HACD3: variants seen among roughly 807,000 people sequenced by gnomAD.
HACD3 encodes 3-hydroxyacyl-CoA dehydratase 3, also known as very-long-chain (3R)-3-hydroxyacyl-CoA dehydratase 3.
Under a neutral mutation model 55.2 loss-of-function variants are expected in HACD3, and 30 were observed. That is an observed-to-expected ratio of 0.54 (90% CI 0.41 to 0.74). The LOEUF (loss-of-function observed/expected upper bound fraction) is 0.74. Among genes scored for constraint, HACD3 ranks in the 30% least tolerant of loss-of-function variants. The pLI is 0.00. For synonymous variants in HACD3, 141 were observed against 151.7 expected (o/e 0.93, Z 0.52); for missense variants, 363 against 440.1 (o/e 0.82, Z 1.57).
At position 65,554,959 on chromosome 15, in the gene HACD3, A is replaced by C; in HGVS notation, c.203A>C (p.Glu68Ala). The C allele has an allele frequency of 1.2e-6, 2 of 1,600,710 alleles. No homozygotes were observed. Among genetic ancestry groups the C allele is most frequent in the East Asian group, 2.2e-5 (1 of 44,778 alleles). Residue 68 changes from glutamate (E) to alanine (A), a missense_variant and splice_region_variant, in exon 3 of 11, where the codon GAG becomes GCG. Physicochemically the swap from Glu to Ala is moderately radical, Grantham distance 107. Coordinates refer to ENST00000261875, the MANE Select transcript of HACD3 (RefSeq NM_016395.4). ...GAGTTCTTAGACCTTGTGAAACCAG[A>C]GGTATGTTCTTTCCTTTCTCACTTC... ...HLEFLDLVKP[E>A]PVYKLTQRQV...
At chr15:65,549,866 CA>C (rs1367494550) in intron 1 of HACD3, among the ~76,000 whole-genome samples, 1 of 152,072 alleles carries the variant, frequency 6.6e-6, no homozygotes, top group East Asian at 1.9e-4. Flanking sequence ...TTAGGAGAAC[CA>C]AAACTCTAAA....
intron 10 of HACD3, 120 bp from the exon 11 acceptor site, chr15:65,576,183 G>A (rs1006662212): frequency 2.0e-5 from 28 of 1,417,674 alleles, no homozygotes; most frequent in South Asian, 2.7e-5. Context: ...TTCCTGAGCC[G>A]CTGCAATAAG....
intron 2 of HACD3, among the ~76,000 whole-genome samples, chr15:65,552,813 G>T (rs1023165725): frequency 6.6e-6 from 1 of 151,552 alleles, no homozygotes; most frequent in African/African-American, 2.4e-5. Context: ...TCTAGCATTA[G>T]GTATATCTCC....
chr15:65,545,269 A>C (rs564294877), intron 1 of HACD3, among the ~76,000 whole-genome samples: 1 of 152,340 alleles, frequency 6.6e-6, no homozygotes, highest in South Asian at 2.1e-4. Flanking sequence ...TGCCATAAGT[A>C]ACCATATCAC....
intron 1 of HACD3, chr15:65,535,832 C>G: frequency 3.3e-6 from 2 of 609,478 alleles, no homozygotes; most frequent in South Asian, 3.7e-5. Context: ...AGTAGGACTA[C>G]AGGTACCTGC....
At position 65,558,669 on chromosome 15, in the gene HACD3, C is replaced by T. The variant is rs1230203376; in HGVS notation, c.370-11C>T. On this transcript the variant is annotated splice_polypyrimidine_tract_variant and intron_variant, in intron 4 of 10. Transcript: ENST00000261875. ...ACTTGTGTTCTTGGAAAACTTTTGTCTAAATTCTAGGAAGAAGAGCGCCTA... is the reference window on the plus strand; with the variant it reads ...ACTTGTGTTCTTGGAAAACTTTTGTTTAAATTCTAGGAAGAAGAGCGCCTA... The T allele has an allele frequency of 6.3e-7, 1 of 1,588,448 alleles. No homozygotes were observed. Among genetic ancestry groups the T allele is most frequent in the Non-Finnish European group, 8.6e-7 (1 of 1,166,896 alleles).
chr15:65,572,923 A>AT (rs1403067038), intron 10 of HACD3, among the ~76,000 whole-genome samples: 68 of 145,878 alleles, frequency 4.7e-4, no homozygotes, highest in South Asian at 1.3e-3. Context: ...TCAAAAAAAA[A>AT]AAAAAAATAA....
chr15:65,550,214 C>T (rs2072118832), intron 1 of HACD3, among the ~76,000 whole-genome samples: 1 of 152,030 alleles, frequency 6.6e-6, no homozygotes, highest in Admixed American at 6.6e-5. Context: ...ATGGTGAAAC[C>T]TCGTCTCTGC....
At chr15:65,573,699 A>C (rs909207535) in intron 10 of HACD3, among the ~76,000 whole-genome samples, 1 of 152,180 alleles carries the variant, frequency 6.6e-6, no homozygotes, top group African/African-American at 2.4e-5. Context: ...ACTATACTCT[A>C]TACATAGATG....
At position 65,530,574 on chromosome 15, in the gene HACD3, T is replaced by C. The variant is rs1461142494; in HGVS notation, c.-58T>C. The C allele has an allele frequency of 6.8e-6, 10 of 1,477,172 alleles. No individual in the cohort carries two copies. The highest frequency in any genetic ancestry group is 2.5e-5 in the East Asian group (1 of 39,294). The allele number at this position is 1,477,172 out of a possible 1,614,324, so 91.5% of individuals were successfully genotyped here. ...CTTTCTGCTCGCGCCAGCAGAGCAC[T>C]ACCTGAGGCAGCGAGGCGCAGCGAG... On this transcript the variant is annotated 5_prime_UTR_variant, in exon 1 of 11. Transcript: ENST00000261875.
At chr15:65,530,750 C>T in intron 1 of HACD3, 32 bp downstream of exon 1, 13 of 1,521,584 alleles carry the variant, frequency 8.5e-6, no homozygotes, top group South Asian at 1.2e-5. Context: ...GGGAAGCGCG[C>T]GGGATCGCGG....
rs528328436 is a variant in HACD3 at position 65,542,099 on chromosome 15, T to C, written c.88-9577T>C. 1.4e-3 allele frequency among the ~76,000 whole-genome samples: 208 copies of C among 151,394 alleles called. 2 individuals carry two copies. Among genetic ancestry groups the C allele is most frequent in the Non-Finnish European group, 1.7e-3 (116 of 67,812 alleles). On this transcript the variant is annotated intron_variant, in intron 1 of 10. Coordinates refer to ENST00000261875, the MANE Select transcript of HACD3 (RefSeq NM_016395.4). Reference sequence around the variant, plus strand: ...CAAAAATTAGCTGGGCGTGGTGGCATGTTCCTGTAGTCCCAGCTACTTGGG... The same window carrying C: ...CAAAAATTAGCTGGGCGTGGTGGCACGTTCCTGTAGTCCCAGCTACTTGGG...
chr15:65,559,779 A>T (rs900377006), intron 5 of HACD3, among the ~76,000 whole-genome samples: 2 of 152,136 alleles, frequency 1.3e-5, no homozygotes, highest in African/African-American at 4.8e-5. Context: ...ATAACAACAT[A>T]AAAAAGCCAC....
intron 1 of HACD3, among the ~76,000 whole-genome samples, chr15:65,532,363 C>T (rs536998701): frequency 1.1e-4 from 17 of 152,250 alleles, no homozygotes; most frequent in African/African-American, 3.9e-4. Context: ...CTGTGGCTCA[C>T]GCCTGTAATG....
chr15:65,530,661 C>T lies in HACD3; in HGVS notation c.30C>T (p.Val10=), dbSNP rs1596200050. Residue 10 remains valine (V), a synonymous_variant, in exon 1 of 11, where the codon GTC becomes GTT. Transcript: ENST00000261875. MENQVLTPH[V]YWAQRHRELY... Reference sequence around the variant, plus strand: ...AGAATCAGGTGTTGACGCCGCATGTCTACTGGGCTCAGCGACACCGCGAGC... The same window carrying T: ...AGAATCAGGTGTTGACGCCGCATGTTTACTGGGCTCAGCGACACCGCGAGC... 1.9e-6 allele frequency: 3 copies of T among 1,582,748 alleles called. No individual in the cohort carries two copies. The highest frequency in any genetic ancestry group is 2.6e-6 in the Non-Finnish European group (3 of 1,165,496).
At position 65,530,530 on chromosome 15, in the gene HACD3, C is replaced by G. The variant is rs952010475; in HGVS notation, c.-102C>G. 37 of 1,077,018 alleles carry G rather than the reference C, an allele frequency of 3.4e-5. No individual in the cohort carries two copies. Among genetic ancestry groups the G allele is most frequent in the Non-Finnish European group, 4.5e-5 (34 of 757,272 alleles). The allele number at this position is 1,077,018 out of a possible 1,614,324, so 66.7% of individuals were successfully genotyped here. A position where few individuals can be genotyped will look rare whatever the true frequency, so the allele number is the denominator to read the frequency against. ...GTGCCGGGTTGCAGGCGCTCAGGAGCGCTAGGGTTTGAGGCCTGCTTTCTG... is the reference window on the plus strand; with the variant it reads ...GTGCCGGGTTGCAGGCGCTCAGGAGGGCTAGGGTTTGAGGCCTGCTTTCTG... On this transcript the variant is annotated 5_prime_UTR_variant, in exon 1 of 11. Coordinates refer to ENST00000261875, the MANE Select transcript of HACD3 (RefSeq NM_016395.4).
intron 1 of HACD3, chr15:65,531,372 TAAA>T (rs1279632650): frequency 6.6e-6 from 1 of 152,200 alleles, no homozygotes; most frequent in Non-Finnish European, 1.5e-5. Context: ...ACAGAGAACT[TAAA>T]AAGTTCTTAA....
At chr15:65,575,515 A>T (rs943486525) in intron 10 of HACD3, among the ~76,000 whole-genome samples, 6 of 152,148 alleles carry the variant, frequency 3.9e-5, no homozygotes, top group Non-Finnish European at 8.8e-5. Flanking sequence ...TGAATTAAAA[A>T]TTAGGTTGTT....
In HACD3 at chr15:65,530,614, G is replaced by A. The variant is rs1321081713; in HGVS notation, c.-18G>A. ...GGCGCAGCGAGCCTAGCCTCCCCGC[G>A]CCCTGGGCAGTGTGGCCATGGAGAA... On this transcript the variant is annotated 5_prime_UTR_variant, in exon 1 of 11. Coordinates refer to ENST00000261875, the MANE Select transcript of HACD3 (RefSeq NM_016395.4). 3.2e-6 allele frequency: 5 copies of A among 1,562,200 alleles called. No homozygotes were observed. Among genetic ancestry groups the A allele is most frequent in the South Asian group, 1.2e-5 (1 of 84,244 alleles).
Sources: allele counts gnomAD v4.1 joint callset (sites outside exome capture counted in the v4.1 genomes callset), GRCh38; gene constraint gnomAD v4.1.1; transcripts MANE v1.5; gene names NCBI Gene and HGNC (gene_info 2026-07-23, HGNC 2026-07-21).